Variants in EXOC2 observed in about 807,000 individuals in gnomAD.
The protein encoded by EXOC2 is exocyst complex component 2, also known as SEC5-like 1.
EXOC2 carries 70 observed loss-of-function variants against 131.8 expected under a neutral mutation model. That is an observed-to-expected ratio of 0.53 (90% CI 0.44 to 0.65). The LOEUF (loss-of-function observed/expected upper bound fraction) is 0.65, where lower values mean the gene tolerates loss of function less well. EXOC2 is among the 30% of genes least tolerant of loss of function. The probability of loss-of-function intolerance (pLI) is 0.00; values close to 1 mark genes in which losing one functional copy is unlikely to be tolerated. For synonymous variants in EXOC2, 411 were observed against 398.4 expected (o/e 1.03, Z -0.38); for missense variants, 923 against 1,108.6 (o/e 0.83, Z 2.38).
chr6:669,248 T>C (rs75886169), intron 1 of EXOC2: 1,950 of 152,446 alleles, frequency 0.013, 27 homozygotes, highest in Middle Eastern at 0.041. Flanking sequence ...CACAGGTGTC[T>C]GTGGATGAAG....
At chr6:519,010 C>T (rs925071841) in intron 23 of EXOC2, among the ~76,000 whole-genome samples, 1 of 152,088 alleles carries the variant, frequency 6.6e-6, no homozygotes, top group Non-Finnish European at 1.5e-5. Context: ...TCGTAAAGTG[C>T]CAAGTACTCA....
At chr6:560,744 G>A (rs1757655432) in intron 17 of EXOC2, among the ~76,000 whole-genome samples, 1 of 148,170 alleles carries the variant, frequency 6.7e-6, no homozygotes. Context: ...TTTTGCTCTT[G>A]TTGCCCAGGC....
At chr6:665,540 C>T (rs1763603575) in intron 1 of EXOC2, among the ~76,000 whole-genome samples, 1 of 152,164 alleles carries the variant, frequency 6.6e-6, no homozygotes, top group Non-Finnish European at 1.5e-5. Flanking sequence ...AAATGCCCAT[C>T]AATCAATGAG....
chr6:672,048 C>T (rs1561997927), intron 1 of EXOC2, among the ~76,000 whole-genome samples: 1 of 152,058 alleles, frequency 6.6e-6, no homozygotes, highest in East Asian at 1.9e-4. Flanking sequence ...TTTCCTTCCC[C>T]TTCTTGGTTC....
intron 1 of EXOC2, chr6:656,822 G>T (rs775466283): frequency 1.7e-5 from 28 of 1,609,626 alleles, no homozygotes; most frequent in Non-Finnish European, 2.3e-5. Flanking sequence ...CCGCGGGGCC[G>T]AAGCACAGGC....
intron 1 of EXOC2, among the ~76,000 whole-genome samples, chr6:690,420 T>C (rs937579393): frequency 6.6e-6 from 1 of 152,130 alleles, no homozygotes; most frequent in African/African-American, 2.4e-5. Context: ...TTAAGATTCA[T>C]AATTTCCCGG....
At chr6:520,832 A>G (rs1765384315) in intron 23 of EXOC2, among the ~76,000 whole-genome samples, 1 of 137,284 alleles carries the variant, frequency 7.3e-6, no homozygotes, top group Non-Finnish European at 1.6e-5. Flanking sequence ...CCACCTATTG[A>G]GTGCCAACAA....
At chr6:619,812 AG>A (rs556030363) in intron 4 of EXOC2, among the ~76,000 whole-genome samples, 226 of 152,364 alleles carry the variant, frequency 1.5e-3, no homozygotes, top group African/African-American at 5.2e-3. Flanking sequence ...AAAGAATATA[AG>A]GTTTAAAGAG....
intron 1 of EXOC2, among the ~76,000 whole-genome samples, chr6:691,685 G>C (rs938599931): frequency 1.3e-5 from 2 of 152,216 alleles, no homozygotes; most frequent in African/African-American, 4.8e-5. Flanking sequence ...GGAAATTTTT[G>C]ACTGCGTGGG....
chr6:546,615 C>G (rs2127561804), intron 22 of EXOC2, among the ~76,000 whole-genome samples: 1 of 152,304 alleles, frequency 6.6e-6, no homozygotes, highest in Middle Eastern at 3.4e-3. Context: ...CTTCCTCAGC[C>G]TAGTCCACAT....
At chr6:614,595 G>A (rs1004123583) in intron 6 of EXOC2, among the ~76,000 whole-genome samples, 9 of 152,078 alleles carry the variant, frequency 5.9e-5, no homozygotes, top group African/African-American at 2.2e-4. Context: ...GGTAATCTTG[G>A]GGACTACTTA....
At chr6:515,312 T>C (rs911000398) in intron 23 of EXOC2, among the ~76,000 whole-genome samples, 5 of 152,212 alleles carry the variant, frequency 3.3e-5, no homozygotes, top group African/African-American at 7.2e-5. Flanking sequence ...AATGTGGGCA[T>C]TGAAGGTAAA....
chr6:582,606 G>A (rs1581489193), intron 11 of EXOC2, among the ~76,000 whole-genome samples: 1 of 132,126 alleles, frequency 7.6e-6, no homozygotes, highest in East Asian at 2.7e-4. Flanking sequence ...CCACACACAA[G>A]AATTTCAATG....
intron 1 of EXOC2, among the ~76,000 whole-genome samples, chr6:651,987 C>A (rs563815162): frequency 8.0e-5 from 12 of 149,960 alleles, no homozygotes; most frequent in African/African-American, 2.9e-4. Flanking sequence ...ACCCGGGAGG[C>A]GAAGGTTGCA....
chr6:539,111 G>A (rs574588388), intron 22 of EXOC2, among the ~76,000 whole-genome samples: 3 of 151,874 alleles, frequency 2.0e-5, no homozygotes, highest in Non-Finnish European at 4.4e-5. Context: ...TAGAAAATGC[G>A]CTTACGATAT....
chr6:534,101 T>G (rs911444679), intron 22 of EXOC2, among the ~76,000 whole-genome samples: 3 of 152,192 alleles, frequency 2.0e-5, no homozygotes, highest in Non-Finnish European at 4.4e-5. Context: ...TGGTCACTGT[T>G]GAGACTGATC....
intron 23 of EXOC2, among the ~76,000 whole-genome samples, chr6:529,237 T>C (rs2473476): frequency 0.96 from 145,453 of 152,284 alleles, 69,540 homozygotes; most frequent in East Asian, 1. Flanking sequence ...CTTCAGGGAA[T>C]GGGCCTTCAT....
intron 1 of EXOC2, among the ~76,000 whole-genome samples, chr6:641,933 ATCT>A (rs1170394383): frequency 6.6e-6 from 1 of 152,048 alleles, no homozygotes; most frequent in Non-Finnish European, 1.5e-5. Context: ...CTTTAAAATA[ATCT>A]TCTATGAAAT....
At chr6:501,891 A>G (rs1220890351) in intron 23 of EXOC2, among the ~76,000 whole-genome samples, 1 of 151,676 alleles carries the variant, frequency 6.6e-6, no homozygotes, top group Non-Finnish European at 1.5e-5. Context: ...GAGGCAGGAG[A>G]GAAGAACAGA....
Sources: gnomAD v4.1 joint callset for allele counts (sites outside exome capture counted in the v4.1 genomes callset) on GRCh38, gnomAD v4.1.1 for gene constraint, MANE v1.5 for transcripts, NCBI Gene and HGNC (gene_info 2026-07-23, HGNC 2026-07-21) for gene names.